The following ITGA2 variants were observed in gnomAD, a reference collection of about 807,000 sequenced individuals.
The protein encoded by ITGA2 is integrin subunit alpha 2, also known as integrin alpha-2.
ITGA2 carries 101 observed loss-of-function variants against 146.3 expected under a neutral mutation model. That is an observed-to-expected ratio of 0.69 (90% CI 0.59 to 0.81). The LOEUF is 0.81. ITGA2 is among the 40% of genes least tolerant of loss of function. The pLI is 0.00. For missense variants in ITGA2, 1,281 were observed against 1,402.7 expected (o/e 0.91, Z 1.39); for synonymous variants, 477 against 487.1 (o/e 0.98, Z 0.27).
chr5:53,030,808 G>C (rs150820363), intron 2 of ITGA2, among the ~76,000 whole-genome samples: 122 of 152,322 alleles, frequency 8.0e-4, no homozygotes, highest in African/African-American at 2.8e-3. Flanking sequence ...TGCAGTTAAT[G>C]GTGTTTGTTT....
At chr5:52,993,354 T>G (rs1190178360) in intron 1 of ITGA2, among the ~76,000 whole-genome samples, 1 of 152,204 alleles carries the variant, frequency 6.6e-6, no homozygotes, top group Non-Finnish European at 1.5e-5. Flanking sequence ...GACTTAAATT[T>G]ATGGACTGGG....
intron 1 of ITGA2, 87 bp from the exon 2 acceptor site, chr5:53,026,661 T>C: frequency 8.1e-7 from 1 of 1,242,066 alleles, no homozygotes; most frequent in Non-Finnish European, 1.2e-6. Context: ...GTCAAGCAAG[T>C]TTTCTTAAAA....
intron 16 of ITGA2, 100 bp downstream of exon 16, chr5:53,067,357 GT>G: frequency 3.0e-6 from 4 of 1,323,734 alleles, no homozygotes; most frequent in Non-Finnish European, 4.3e-6. Context: ...AGAAATAAGG[GT>G]TTTAGTTATA....
At chr5:53,052,450 C>T (rs1049687983) in intron 7 of ITGA2, among the ~76,000 whole-genome samples, 5 of 152,072 alleles carry the variant, frequency 3.3e-5, no homozygotes, top group Admixed American at 2.0e-4. Flanking sequence ...AAACACACTC[C>T]GGTTGTTAAA....
chr5:53,065,823 T>G lies in ITGA2; in HGVS notation c.1807-18T>G. 6.2e-7 allele frequency: 1 copy of G among 1,611,642 alleles called. No individual in the cohort carries two copies. Among genetic ancestry groups the G allele is most frequent in the East Asian group, 2.2e-5 (1 of 44,732 alleles). ...AGCTGTTGTGTACTATAATTTCGTG[T>G]CAAACCTGCTCTTTTAGAAAATCTT... On this transcript the variant is annotated intron_variant, in intron 14 of 29. Coordinates refer to ENST00000296585, the MANE Select transcript of ITGA2 (RefSeq NM_002203.4).
Position 52,989,456 on chromosome 5 carries a change from G to T in ITGA2, c.-13G>T, listed in dbSNP as rs143667535. 1 of 1,614,158 alleles carries T rather than the reference G, an allele frequency of 6.2e-7. No individual in the cohort carries two copies. Among genetic ancestry groups the T allele is most frequent in the Non-Finnish European group, 8.5e-7 (1 of 1,179,976 alleles). On this transcript the variant is annotated 5_prime_UTR_variant, in exon 1 of 30. Transcript: ENST00000296585. The stretch of plus-strand genomic sequence containing the variant: ...AAACCCAGCGCAACTACGGTCCCCC[G>T]GTCAGACCCAGGATGGGGCCAGAAC...
rs142486049 is a variant in ITGA2 at position 53,086,171 on chromosome 5, C to T, written c.3259-781C>T. On this transcript the variant is annotated intron_variant, in intron 27 of 29. Coordinates refer to ENST00000296585, the MANE Select transcript of ITGA2 (RefSeq NM_002203.4). ...ATCTACCCACCTCAGCCTCCCAAAG[C>T]GCTGGGATTACAGATAGAAGCCACT... Among the ~76,000 whole-genome samples, 576 of 152,164 alleles carry T rather than the reference C, an allele frequency of 3.8e-3. 5 individuals are homozygous for T. The highest frequency in any genetic ancestry group is 0.013 in the African/African-American group (538 of 41,526).
intron 2 of ITGA2, 141 bp from the exon 3 acceptor site, chr5:53,041,971 G>C (rs895993960): frequency 4.5e-6 from 3 of 660,640 alleles, no homozygotes; most frequent in Non-Finnish European, 8.3e-6. Context: ...TAAGCAGAAA[G>C]GCAGCAGGTC....
chr5:53,058,053 G>C lies in ITGA2; in HGVS notation c.1125G>C (p.Gln375His), dbSNP rs1418444494. The change falls in exon 10 of 30, where the codon CAG (glutamine) becomes CAC (histidine). Residue 375 changes from glutamine to histidine, a missense_variant. Coordinates refer to ENST00000296585, the MANE Select transcript of ITGA2 (RefSeq NM_002203.4). ...CTGTTCAAGGAGGAGACAACTTTCA[G>C]ATGGAAATGTCACAAGTGGGATTCA... is the stretch of plus-strand genomic sequence containing the variant. ...EGTVQGGDNF[Q>H]MEMSQVGFSA... The C allele has an allele frequency of 6.2e-7, 1 of 1,611,744 alleles. No individual in the cohort carries two copies. Among genetic ancestry groups the C allele is most frequent in the Admixed American group, 1.7e-5 (1 of 59,852 alleles).
chr5:53,009,791 T>G (rs1389630517), intron 1 of ITGA2, among the ~76,000 whole-genome samples: 2 of 152,166 alleles, frequency 1.3e-5, no homozygotes, highest in Admixed American at 1.3e-4. Flanking sequence ...TTAGGTCATG[T>G]GGATAGAGCT....
intron 27 of ITGA2, among the ~76,000 whole-genome samples, chr5:53,085,174 T>A (rs1481774656): frequency 6.6e-6 from 1 of 152,248 alleles, no homozygotes; most frequent in Non-Finnish European, 1.5e-5. Flanking sequence ...GAAATATGGA[T>A]CTCATTTCCT....
intron 1 of ITGA2, among the ~76,000 whole-genome samples, chr5:53,020,659 TTTTTA>T (rs1489393751): frequency 6.6e-6 from 1 of 151,242 alleles, no homozygotes; most frequent in Non-Finnish European, 1.5e-5. Flanking sequence ...CTGATTCTTA[TTTTTA>T]TTTTATTTTA....
intron 24 of ITGA2, 25 bp downstream of exon 24, chr5:53,078,899 G>A: frequency 7.9e-7 from 1 of 1,262,210 alleles, no homozygotes; most frequent in Non-Finnish European, 1.2e-6. Context: ...CATAAGGATG[G>A]CAAATCCAGG....
chr5:53,068,297 C>G (rs1181020925), intron 16 of ITGA2, among the ~76,000 whole-genome samples: 2 of 151,846 alleles, frequency 1.3e-5, no homozygotes, highest in African/African-American at 2.4e-5. Flanking sequence ...AAGATTGACC[C>G]AATTTTGAGT....
intron 7 of ITGA2, among the ~76,000 whole-genome samples, chr5:53,055,056 T>C (rs375588333): frequency 6.6e-6 from 1 of 152,132 alleles, no homozygotes; most frequent in East Asian, 1.9e-4. Flanking sequence ...AAACTGATAA[T>C]GGTGCTTACC....
At position 53,042,397 on chromosome 5, in the gene ITGA2, A is replaced by T. The variant is rs27956; in HGVS notation, c.295+176A>T. Among the ~76,000 whole-genome samples, 3 of 152,222 alleles carry T rather than the reference A, an allele frequency of 2.0e-5. No homozygotes were observed. In the East Asian group the frequency reaches 5.8e-4, roughly 29 times the overall value. On this transcript the variant is annotated intron_variant, in intron 3 of 29. Transcript: ENST00000296585. ...ATTTCCAAAACAGTTTGGAGACTTG[A>T]CTTAACAAGATGCGTGGAAAATGTG...
chr5:53,080,642 T>C, intron 25 of ITGA2, 21 bp downstream of exon 25: 1 of 1,503,516 alleles, frequency 6.7e-7, no homozygotes, highest in South Asian at 1.1e-5. Context: ...AAAAATTGCC[T>C]AAAAATGTGT....
At chr5:53,050,690 A>C (rs914244489) in intron 6 of ITGA2, among the ~76,000 whole-genome samples, 2 of 152,200 alleles carry the variant, frequency 1.3e-5, no homozygotes, top group Non-Finnish European at 2.9e-5. Flanking sequence ...CAATGCCTGC[A>C]AACAAGGACA....
At position 53,080,544 on chromosome 5, in the gene ITGA2, A is replaced by T. The variant is rs936752993; in HGVS notation, c.2962A>T (p.Thr988Ser). 1.2e-6 allele frequency: 2 copies of T among 1,613,664 alleles called. No individual in the cohort carries two copies. The highest frequency in any genetic ancestry group is 1.7e-6 in the Non-Finnish European group (2 of 1,179,712). Residue 988 changes from threonine (T) to serine (S), a missense_variant, in exon 25 of 30, where the codon ACT becomes TCT. By Grantham distance (58) the Thr-to-Ser change is moderately conservative. Coordinates refer to ENST00000296585, the MANE Select transcript of ITGA2 (RefSeq NM_002203.4). ...TTGSVPVSMA[T>S]VIIHIPQYTK... ...AGGAAGTGTTCCAGTAAGCATGGCA[A>T]CTGTAATCATCCACATCCCTCAGTA... is the stretch of plus-strand genomic sequence containing the variant.
Sources: allele counts gnomAD v4.1 joint callset (sites outside exome capture counted in the v4.1 genomes callset), GRCh38; gene constraint gnomAD v4.1.1; transcripts MANE v1.5; gene names NCBI Gene and HGNC (gene_info 2026-07-23, HGNC 2026-07-21).